ZMYM3: variants seen among roughly 807,000 people sequenced by gnomAD.
ZMYM3 encodes zinc finger MYM-type containing 3.
In ZMYM3, 6 loss-of-function variants were observed where a neutral mutation model predicts 94.2. That is an observed-to-expected ratio of 0.06 (90% CI 0.03 to 0.13). The LOEUF (loss-of-function observed/expected upper bound fraction) is 0.13. Ranked by LOEUF, ZMYM3 falls within the 10% of genes least tolerant of loss-of-function variation. The pLI, the probability that ZMYM3 is intolerant of heterozygous loss-of-function variation, is 1.00. For synonymous variants in ZMYM3, 420 were observed against 426.5 expected, an observed-to-expected ratio of 0.98 and a Z score of 0.19; for missense variants, 664 against 1,132.6, an observed-to-expected ratio of 0.59 and a Z score of 5.94.
In ZMYM3 at chrX:71,241,080, C is replaced by T. The variant is rs1281633897; in HGVS notation, c.3949G>A (p.Val1317Met). Residue 1317 changes from valine to methionine, a missense_variant, in exon 25 of 25, where the codon GTG becomes ATG. This residue lies in a region of ZMYM3 where 58 missense variants were observed against 112.4 expected (regional missense o/e 0.52). Transcript: ENST00000314425. ...CPESLRTRND[V>M]FYLQPERSCI... Reference sequence around the variant, plus strand: ...GACCGTTCAGGTTGCAGGTAGAACACATCGTTGCGAGTCCGGAGGCTTTCA... The same window carrying T: ...GACCGTTCAGGTTGCAGGTAGAACATATCGTTGCGAGTCCGGAGGCTTTCA... 13 of 1,207,691 alleles carry T rather than the reference C, an allele frequency of 1.1e-5. No individual in the cohort carries two copies. The highest frequency in any genetic ancestry group is 1.5e-5 in the Non-Finnish European group (13 of 894,271).
At chrX:71,255,178 C>T (rs2030711132), upstream of ZMYM3, 1 of 92,217 alleles carries the variant, frequency 1.1e-5, no homozygotes, top group Non-Finnish European at 2.1e-5. Flanking sequence ...CTCCTCCAGC[C>T]CCCTTTCTGT....
chrX:71,251,396 G>T, intron 3 of ZMYM3, 152 bp from the exon 4 acceptor site: 1 of 921,943 alleles, frequency 1.1e-6, no homozygotes, highest in Non-Finnish European at 1.5e-6. Context: ...AAAGGAGGTT[G>T]GACTTTCTCC....
chrX:71,241,094 C>T lies in ZMYM3; in HGVS notation c.3935G>A (p.Arg1312Gln), dbSNP rs754073766. 6 of 1,207,578 alleles carry T rather than the reference C, an allele frequency of 5.0e-6. No homozygotes were observed. Among genetic ancestry groups the T allele is most frequent in the Non-Finnish European group, 6.7e-6 (6 of 893,364 alleles). ...FYLSKCPESLRTRNDVFYLQP... is the reference protein window; with the variant it reads ...FYLSKCPESLQTRNDVFYLQP... ...CAGGTAGAACACATCGTTGCGAGTC[C>T]GGAGGCTTTCAGGACTGCAACATCG... Residue 1312 changes from arginine (R) to glutamine (Q), a missense_variant, in exon 25 of 25, where the codon CGG becomes CAG. Arg to Gln is a conservative substitution (Grantham distance 43). Coordinates refer to ENST00000314425, the MANE Select transcript of ZMYM3 (RefSeq NM_201599.3).
Position 71,251,621 on chromosome X carries a change from C to T in ZMYM3, c.668-20G>A. The T allele has an allele frequency of 8.5e-7, 1 of 1,179,954 alleles. No homozygotes were observed. The highest frequency in any genetic ancestry group is 1.1e-6 in the Non-Finnish European group (1 of 879,424). ...CATCTCCTGCAAAGGAAGCAGAAGG[C>T]AGCCTAAATGTTGAGCCTGCCCTCA... On this transcript the variant is annotated intron_variant, in intron 2 of 24. Transcript: ENST00000314425.
At chrX:71,244,583 G>A (rs1171153118) in intron 19 of ZMYM3, 113 bp from the exon 20 acceptor site, 3 of 952,508 alleles carry the variant, frequency 3.1e-6, no homozygotes, top group Non-Finnish European at 4.3e-6. Context: ...TAAGCACACA[G>A]CAAGCTTCCA....
chrX:71,242,917 G>T, intron 22 of ZMYM3, 53 bp downstream of exon 22: 1 of 1,097,562 alleles, frequency 9.1e-7, no homozygotes, highest in Non-Finnish European at 1.3e-6. Flanking sequence ...TCGGGATGGT[G>T]GATTGGAAGA....
In ZMYM3 at chrX:71,248,725, G is replaced by T. The variant is rs142139293; in HGVS notation, c.1698C>A (p.Val566=). The T allele has an allele frequency of 8.3e-7, 1 of 1,206,175 alleles. No individual in the cohort carries two copies. The highest frequency in any genetic ancestry group is 1.8e-5 in the African/African-American group (1 of 57,069). The change falls in exon 9 of 25, where the codon GTC becomes GTA. Residue 566 remains valine, a synonymous_variant. Transcript: ENST00000314425. The stretch of plus-strand genomic sequence containing the variant: ...AGCAGCTGGGGCTGCAGAACTGGTA[G>T]ACTGTGCGGTCAACCTTGTTGTAGT... ...PCYYNKVDRT[V]YQFCSPSCWT...
At chrX:71,251,349 T>C (rs1018246401) in intron 3 of ZMYM3, 105 bp from the exon 4 acceptor site, 3 of 913,945 alleles carry the variant, frequency 3.3e-6, no homozygotes, top group South Asian at 4.3e-5. Context: ...GAAGGGAGAG[T>C]GGGGACCCTT....
rs751613357 is a variant in ZMYM3, at chrX:71,245,382, G to A, written c.2964C>T (p.Val988=). ...CCAAGTCTTGCCCAGGCTCATCCAA[G>A]ACATTGGCCATCTTGACTGCCATGG... ...VLAMAVKMAN[V]LDEPGQDLEA... The change falls in exon 18 of 25, where the codon GTC becomes GTT. Residue 988 remains valine (V), a synonymous_variant. Transcript: ENST00000314425. The A allele has an allele frequency of 8.3e-7, 1 of 1,211,643 alleles. No homozygotes were observed. Among genetic ancestry groups the A allele is most frequent in the Non-Finnish European group, 1.1e-6 (1 of 895,559 alleles).
In ZMYM3 at chrX:71,248,524, G is replaced by A; in HGVS notation, c.1738C>T (p.Arg580Cys). 8 of 1,209,710 alleles carry A rather than the reference G, an allele frequency of 6.6e-6. No homozygotes were observed. The South Asian group carries it at 7.1e-5, about 11-fold the overall frequency. The change falls in exon 10 of 25, where the codon CGC becomes TGC. Residue 580 changes from arginine (R) to cysteine (C), a missense_variant and splice_region_variant. This residue lies in a region of ZMYM3 where 159 missense variants were observed against 313.0 expected (regional missense o/e 0.51). Transcript: ENST00000314425. ...TGAATGCCCCCCTCAGGGCTTGTGCGCTGGAGGGAAGGAAGACAAGTAAGG... is the reference window on the plus strand; with the variant it reads ...TGAATGCCCCCCTCAGGGCTTGTGCACTGGAGGGAAGGAAGACAAGTAAGG... The part of the protein sequence containing the change: ...CSPSCWTKFQ[R>C]TSPEGGIHLS...
rs36002370 is a variant in ZMYM3 at position 71,250,497 on chromosome X, C to T, written c.1008G>A (p.Ser336=). Residue 336 remains serine (S), a synonymous_variant, in exon 5 of 25, where the codon TCG becomes TCA. Transcript: ENST00000314425. ...QRKGLPQLFC[S]SSCLTTFSKK... ...TGGAGAAAGTGGTGAGGCAGGATGA[C>T]GAGCAGAAGAGCTGAGGCAGCCCCT... The T allele has an allele frequency of 8.1e-3, 9,757 of 1,209,702 alleles. 589 individuals are homozygous for T. The Admixed American group carries it at 0.16, about 20-fold the overall frequency.
chrX:71,255,189 C>G (rs2030711586), upstream of ZMYM3: 1 of 95,082 alleles, frequency 1.1e-5, no homozygotes, highest in Non-Finnish European at 2.1e-5. Context: ...CCCTTTCTGT[C>G]CTTGTCTGTC....
chrX:71,251,800 T>C, intron 2 of ZMYM3, 199 bp from the exon 3 acceptor site: 1 of 752,656 alleles, frequency 1.3e-6, no homozygotes, highest in Non-Finnish European at 1.6e-6. Flanking sequence ...CGTGCAGCTA[T>C]TCCATGAAAA....
rs765254734 is a variant in ZMYM3, at chrX:71,248,316, A to G, written c.1825-4T>C. 3 of 1,197,708 alleles carry G rather than the reference A, an allele frequency of 2.5e-6. No homozygotes were observed. Among genetic ancestry groups the G allele is most frequent in the African/African-American group, 1.7e-5 (1 of 57,163 alleles). On this transcript the variant is annotated splice_polypyrimidine_tract_variant and splice_region_variant and intron_variant, in intron 10 of 24. Transcript: ENST00000314425. ...AGCAGAACTGGAACACTTGGTCCTG[A>G]GGTGGGGGCACAGGGCAGGGAGGAC...
At chrX:71,248,054 C>T (rs1052837886) in intron 11 of ZMYM3, 108 bp downstream of exon 11, 16 of 1,117,445 alleles carry the variant, frequency 1.4e-5, no homozygotes, top group East Asian at 3.3e-5. Flanking sequence ...TAGAACATCC[C>T]GGGCAGAAGG....
Position 71,250,198 on chromosome X carries a change from A to G in ZMYM3, c.1079T>C (p.Ile360Thr). The change falls in exon 6 of 25, where the codon ATC becomes ACC. Residue 360 changes from isoleucine to threonine, a missense_variant. Transcript: ENST00000314425. Reference protein sequence around the residue: ...KKTCTFCKKEIWNTKDSVVAQ... With the variant: ...KKTCTFCKKETWNTKDSVVAQ... ...CACAACCGAGTCCTTGGTGTTCCAG[A>G]TCTCCCTAGAGGTGGGAACAGGTTT... The G allele has an allele frequency of 8.5e-7, 1 of 1,177,759 alleles. No individual in the cohort carries two copies. The highest frequency in any genetic ancestry group is 1.1e-6 in the Non-Finnish European group (1 of 880,127).
Position 71,249,458 on chromosome X carries a change from C to T in ZMYM3, c.1470+3G>A. 2 of 1,184,991 alleles carry T rather than the reference C, an allele frequency of 1.7e-6. No individual in the cohort carries two copies. Among genetic ancestry groups the T allele is most frequent in the Non-Finnish European group, 2.3e-6 (2 of 881,429 alleles). ...CTCTAATGCACTACTCCCTCGGCCC[C>T]ACCTTCTTGTACGCCCCCAAGCAGG... is the stretch of plus-strand genomic sequence containing the variant. On this transcript the variant is annotated splice_donor_region_variant and intron_variant, in intron 7 of 24. Transcript: ENST00000314425.
upstream of ZMYM3, chrX:71,255,104 C>G (rs996741186): frequency 3.0e-5 from 2 of 67,539 alleles, no homozygotes; most frequent in Non-Finnish European, 5.2e-5. Flanking sequence ...CTCTCTCTCT[C>G]TCTCTCTCTC....
In ZMYM3 at chrX:71,246,400, C is replaced by T. The variant is rs2030173356; in HGVS notation, c.2525G>A (p.Arg842Gln). ...CATCTCCACCTTGCAGGAGACGCCC[C>T]GATTCTGCATCAGTGGCTTACACAT... ...AAMCKPLMQN[R>Q]GVSCKVEMKS... Residue 842 changes from arginine to glutamine, a missense_variant, in exon 15 of 25, where the codon CGG becomes CAG. Arg to Gln is a conservative substitution (Grantham distance 43). Transcript: ENST00000314425. The T allele has an allele frequency of 1.8e-6, 2 of 1,111,208 alleles. No homozygotes were observed. The highest frequency in any genetic ancestry group is 2.4e-6 in the Non-Finnish European group (2 of 838,707). 91.6% of individuals were successfully genotyped at this position (1,111,208 alleles called of 1,213,427 possible).
Sources: gnomAD v4.1 joint callset for allele counts on GRCh38, gnomAD v4.1.1 for gene constraint, gnomAD v4.1.1 regional missense constraint, MANE v1.5 for transcripts, NCBI Gene and HGNC (gene_info 2026-07-23, HGNC 2026-07-21) for gene names.